CATSPERB: variants seen among roughly 807,000 people sequenced by gnomAD.
CATSPERB encodes the protein cation channel sperm-associated auxiliary subunit beta.
A neutral mutation model predicts 128.3 loss-of-function variants in CATSPERB; 93 were observed. The ratio of observed to expected loss-of-function variants is 0.72; its 90% CI spans 0.61 to 0.86. The LOEUF (loss-of-function observed/expected upper bound fraction) is 0.86, where lower values mean the gene tolerates loss of function less well. Among genes scored for constraint, CATSPERB ranks in the 40% least tolerant of loss-of-function variants. The pLI is 0.00. For missense variants in CATSPERB, 1,153 were observed against 1,329.5 expected (o/e 0.87, Z 2.06); for synonymous variants, 381 against 448.8 (o/e 0.85, Z 1.91).
At chr14:91,698,764 T>C (rs1270490535) in intron 7 of CATSPERB, among the ~76,000 whole-genome samples, 1 of 152,212 alleles carries the variant, frequency 6.6e-6, no homozygotes, top group African/African-American at 2.4e-5. Flanking sequence ...GGATGAATTA[T>C]GTAGCTGTGA....
At position 91,621,885 on chromosome 14, in the gene CATSPERB, G is replaced by A. The variant is rs780664487; in HGVS notation, c.1983C>T (p.Pro661=). The change falls in exon 19 of 27, where the codon CCC becomes CCT. Residue 661 remains proline (P), a synonymous_variant. Coordinates refer to ENST00000256343, the MANE Select transcript of CATSPERB (RefSeq NM_024764.4). Reference sequence around the variant, plus strand: ...TTGTGATGAGGAAGCTGCTGTACCCGGGAAGCACTACAGTCTTCTCTATAT... The same window carrying A: ...TTGTGATGAGGAAGCTGCTGTACCCAGGAAGCACTACAGTCTTCTCTATAT... ...DTDIEKTVVL[P]GYSSFLITSI... The A allele has an allele frequency of 1.1e-5, 17 of 1,613,534 alleles. No homozygotes were observed. Among genetic ancestry groups the A allele is most frequent in the Middle Eastern group, 1.6e-4 (1 of 6,082 alleles).
At chr14:91,707,000 A>G (rs529251787) in intron 6 of CATSPERB, among the ~76,000 whole-genome samples, 3 of 152,318 alleles carry the variant, frequency 2.0e-5, no homozygotes, top group African/African-American at 4.8e-5. Flanking sequence ...CTCAAGAGTT[A>G]TTCTCTACAT....
chr14:91,639,541 C>A (rs1404662694), intron 15 of CATSPERB, among the ~76,000 whole-genome samples: 1 of 152,146 alleles, frequency 6.6e-6, no homozygotes, highest in Non-Finnish European at 1.5e-5. Flanking sequence ...GTAGTGGTTT[C>A]TCTTCCTATT....
intron 13 of CATSPERB, among the ~76,000 whole-genome samples, chr14:91,672,022 A>AAACAACAAC (rs35442642): frequency 1.2e-3 from 180 of 150,140 alleles, no homozygotes; most frequent in African/African-American, 2.3e-3. Flanking sequence ...TCTGTCTCAA[A>AAACAACAAC]AACAACAACA....
chr14:91,614,388 T>A (rs1595147252), intron 20 of CATSPERB, among the ~76,000 whole-genome samples: 1 of 152,152 alleles, frequency 6.6e-6, no homozygotes, highest in Non-Finnish European at 1.5e-5. Flanking sequence ...TATGGCTAGG[T>A]GCAGTGACTC....
intron 6 of CATSPERB, among the ~76,000 whole-genome samples, chr14:91,705,000 C>A (rs1895712188): frequency 6.6e-6 from 1 of 152,138 alleles, no homozygotes; most frequent in Admixed American, 6.5e-5. Context: ...GGATCTATCC[C>A]TAGAAATGGA....
In CATSPERB at chr14:91,725,104, CT is replaced by C. The variant is rs1896098081; in HGVS notation, c.143del (p.Lys48SerfsTer6). 6.3e-7 allele frequency: 1 copy of C among 1,585,482 alleles called. No individual in the cohort carries two copies. Among genetic ancestry groups the C allele is most frequent in the African/African-American group, 1.4e-5 (1 of 73,774 alleles). On this transcript the variant is annotated frameshift_variant, in exon 3 of 27. Coordinates refer to ENST00000256343, the MANE Select transcript of CATSPERB (RefSeq NM_024764.4). LOFTEE classifies it high-confidence loss of function. ...CCAAGTTTTCTAAGAAAAGATACAA[CT>C]TGATTATTTCATTCTCTTGAGGGAA... ...KGFPQENEII[K>X]LYLFLENLKI... is the part of the protein sequence containing the mutation.
At chr14:91,594,166 G>T (rs966130535) in intron 22 of CATSPERB, among the ~76,000 whole-genome samples, 7 of 152,222 alleles carry the variant, frequency 4.6e-5, no homozygotes, top group East Asian at 1.9e-4. Context: ...GATGAGTTCA[G>T]GTCCTTTGCA....
At chr14:91,701,312 C>T (rs1219448491) in intron 7 of CATSPERB, among the ~76,000 whole-genome samples, 2 of 152,254 alleles carry the variant, frequency 1.3e-5, no homozygotes, top group South Asian at 2.1e-4. Context: ...GGAGCAAAGA[C>T]AACAACCCTC....
chr14:91,597,521 G>A (rs866724122), intron 22 of CATSPERB, among the ~76,000 whole-genome samples: 25 of 152,102 alleles, frequency 1.6e-4, no homozygotes, highest in Non-Finnish European at 2.8e-4. Flanking sequence ...AATGCTTCAA[G>A]AAAACCTTGT....
intron 4 of CATSPERB, among the ~76,000 whole-genome samples, chr14:91,721,053 C>T (rs963151019): frequency 2.0e-5 from 3 of 152,132 alleles, no homozygotes; most frequent in African/African-American, 7.2e-5. Flanking sequence ...GGACCCTTAT[C>T]TCACATCAAA....
intron 14 of CATSPERB, 109 bp from the exon 15 acceptor site, chr14:91,660,090 C>A (rs1038001690): frequency 3.8e-6 from 3 of 792,316 alleles, no homozygotes; most frequent in Non-Finnish European, 5.9e-6. Context: ...TTTCCATATG[C>A]CTACATTCAT....
chr14:91,673,098 C>A lies in CATSPERB; in HGVS notation c.979-82G>T. The stretch of plus-strand genomic sequence containing the variant: ...TCTTAGTGAAACTAGCCCACTTGTT[C>A]ATAGAAGTAATATTTACAGTTTTTT... On this transcript the variant is annotated intron_variant, in intron 12 of 26. Transcript: ENST00000256343. 2.5e-6 allele frequency: 3 copies of A among 1,199,386 alleles called. No individual in the cohort carries two copies. In the South Asian group the frequency reaches 4.5e-5, roughly 18 times the overall value. 74.3% of individuals were successfully genotyped at this position (1,199,386 alleles called of 1,614,324 possible).
chr14:91,595,911 G>T (rs906643504), intron 22 of CATSPERB, among the ~76,000 whole-genome samples: 3 of 152,144 alleles, frequency 2.0e-5, no homozygotes, highest in African/African-American at 4.8e-5. Flanking sequence ...GTTCACAGGG[G>T]TATACTTTAC....
intron 11 of CATSPERB, among the ~76,000 whole-genome samples, chr14:91,676,099 T>C (rs1231379959): frequency 6.6e-6 from 1 of 152,068 alleles, no homozygotes; most frequent in Non-Finnish European, 1.5e-5. Flanking sequence ...TTAAGGTTGA[T>C]GTGTTAAAAA....
chr14:91,645,876 A>C (rs1184559172), intron 15 of CATSPERB, among the ~76,000 whole-genome samples: 2 of 148,730 alleles, frequency 1.3e-5, no homozygotes, highest in Non-Finnish European at 1.5e-5. Context: ...TGGGCGTAGG[A>C]CCCTCCGAGC....
chr14:91,663,122 T>A (rs966482767), intron 14 of CATSPERB, among the ~76,000 whole-genome samples: 3 of 151,962 alleles, frequency 2.0e-5, no homozygotes. Context: ...CTCCTTTTTT[T>A]AAAAAGAGGA....
chr14:91,717,264 T>G (rs970662248), intron 5 of CATSPERB, among the ~76,000 whole-genome samples: 3 of 152,126 alleles, frequency 2.0e-5, no homozygotes, highest in Non-Finnish European at 4.4e-5. Context: ...CTGATGGAAC[T>G]GTTCTATGTC....
chr14:91,694,876 C>T (rs1293157739), intron 7 of CATSPERB, among the ~76,000 whole-genome samples: 1 of 152,108 alleles, frequency 6.6e-6, no homozygotes, highest in African/African-American at 2.4e-5. Context: ...AAGGACATAA[C>T]TACTGGGCTG....
Sources: gnomAD v4.1 joint callset for allele counts (sites outside exome capture counted in the v4.1 genomes callset) on GRCh38, gnomAD v4.1.1 for gene constraint, MANE v1.5 for transcripts, NCBI Gene and HGNC (gene_info 2026-07-23, HGNC 2026-07-21) for gene names.